Variants in APEH observed in about 807,000 individuals in gnomAD.
The protein encoded by APEH is acylamino-acid-releasing enzyme.
APEH carries 75 observed loss-of-function variants against 102.7 expected under a neutral mutation model. The ratio of observed to expected loss-of-function variants is 0.73; its 90% CI spans 0.61 to 0.89. APEH has a LOEUF of 0.89. APEH is among the 40% of genes least tolerant of loss of function. APEH has a pLI of 0.00. For missense variants in APEH, 863 were observed against 941.2 expected (o/e 0.92, Z 1.09); for synonymous variants, 344 against 362.7 (o/e 0.95, Z 0.59).
At chr3:49,680,351 C>T (rs2053261925) in intron 13 of APEH, 190 bp from the exon 14 acceptor site, 4 of 576,142 alleles carry the variant, frequency 6.9e-6, no homozygotes, top group Non-Finnish European at 1.3e-5. Context: ...CAGTGTCTGT[C>T]AGATGAACAA....
chr3:49,683,888 C>A lies in APEH; in HGVS notation c.*546C>A. 1 of 1,335,022 alleles carries A rather than the reference C, an allele frequency of 7.5e-7. No individual in the cohort carries two copies. Among genetic ancestry groups the A allele is most frequent in the East Asian group, 2.4e-5 (1 of 41,752 alleles). The allele number at this position is 1,335,022 out of a possible 1,614,324, so 82.7% of individuals were successfully genotyped here. ...CAGGGTGTGCTGGGCTCAAGCCACC[C>A]GAGCCCTAGCAAGGAGTCACTGACA... On this transcript the variant is annotated 3_prime_UTR_variant, in exon 22 of 22. Transcript: ENST00000296456.
At chr3:49,674,808 GT>G (rs1201245255) in intron 2 of APEH, among the ~76,000 whole-genome samples, 187 bp downstream of exon 2, 2 of 152,150 alleles carry the variant, frequency 1.3e-5, no homozygotes, top group Non-Finnish European at 2.9e-5. Flanking sequence ...CGTGCGGGGC[GT>G]TATCGAATGG....
rs2053399307 is a variant in APEH, at chr3:49,682,725, C to T, written c.1872C>T (p.Asp624=). The change falls in exon 19 of 22, where the codon GAC becomes GAT. Residue 624 remains aspartate, a synonymous_variant. Coordinates refer to ENST00000296456, the MANE Select transcript of APEH (RefSeq NM_001640.4). ...INIASMLGST[D]IPDWCVVEAG... is the part of the protein sequence containing the mutation. ...TCGCCTCCATGTTGGGCTCCACTGACATCCCTGACTGGTAGGCATACACCA... is the reference window on the plus strand; with the variant it reads ...TCGCCTCCATGTTGGGCTCCACTGATATCCCTGACTGGTAGGCATACACCA... The T allele has an allele frequency of 6.2e-7, 1 of 1,613,826 alleles. No individual in the cohort carries two copies. Among genetic ancestry groups the T allele is most frequent in the Admixed American group, 1.7e-5 (1 of 60,004 alleles).
At chr3:49,675,666 C>T (rs1326151857) in intron 3 of APEH, 28 bp from the exon 4 acceptor site, 2 of 1,589,664 alleles carry the variant, frequency 1.3e-6, no homozygotes, top group Non-Finnish European at 1.7e-6. Context: ...GCAAGATAAT[C>T]CTGACCTGTG....
chr3:49,674,174 A>G, upstream of APEH: 1 of 565,644 alleles, frequency 1.8e-6, no homozygotes, highest in Admixed American at 3.6e-5. Flanking sequence ...CCCTGGCGAG[A>G]CCCCTGCTCT....
At chr3:49,674,056 T>A, upstream of APEH, 1 of 409,640 alleles carries the variant, frequency 2.4e-6, no homozygotes, top group Non-Finnish European at 4.4e-6. Flanking sequence ...GGCTCCCGGG[T>A]TCCGCTTCCA....
In APEH at chr3:49,681,192, G is replaced by C. The variant is rs560378189; in HGVS notation, c.1391G>C (p.Gly464Ala). The change falls in exon 15 of 22, where the codon GGC (glycine) becomes GCC (alanine). Residue 464 changes from glycine (G) to alanine (A), a missense_variant. By Grantham distance (60) the Gly-to-Ala change is moderately conservative (BLOSUM62 0). Coordinates refer to ENST00000296456, the MANE Select transcript of APEH (RefSeq NM_001640.4). Reference protein sequence around the residue: ...EAEPIPDIHWGIRVLQPPPEQ... With the variant: ...EAEPIPDIHWAIRVLQPPPEQ... The stretch of plus-strand genomic sequence containing the variant: ...GAGCCCATTCCCGACATCCACTGGG[G>C]CATCCGGGTGCTACAGCCACCCCCA... 1.2e-6 allele frequency: 2 copies of C among 1,609,276 alleles called. No individual in the cohort carries two copies. The highest frequency in any genetic ancestry group is 1.1e-5 in the South Asian group (1 of 90,602).
chr3:49,675,776 C>T lies in APEH; in HGVS notation c.355C>T (p.Gln119Ter), dbSNP rs1382331298. 6.2e-7 allele frequency: 1 copy of T among 1,613,836 alleles called. No homozygotes were observed. Among genetic ancestry groups the T allele is most frequent in the Non-Finnish European group, 8.5e-7 (1 of 1,179,910 alleles). Residue 119 changes from glutamine (Q) to a stop codon, truncating the protein, a stop_gained, in exon 4 of 22, where the codon CAG (glutamine) becomes TAG (stop). Transcript: ENST00000296456. LOFTEE classifies it high-confidence loss of function. ...AGGTGPGEEK[Q>*]FLEVWEKNRK... ...AGGCACGGGCCCTGGGGAAGAGAAG[C>T]AGTTCCTGGAGGTGAGTCTGCATGG...
chr3:49,678,807 C>G (rs371041162), intron 11 of APEH, 45 bp from the exon 12 acceptor site: 1 of 1,504,038 alleles, frequency 6.6e-7, no homozygotes, highest in East Asian at 2.3e-5. Flanking sequence ...ACTACCCTCC[C>G]TACCTCCACT....
Position 49,683,500 on chromosome 3 carries a change from C to G in APEH, c.*158C>G, listed in dbSNP as rs1015318447. ...TATGTAGTCATAATAAATTAGGACACAGAGCCTGGTTCCTGCTGGTACTTT... is the reference window on the plus strand; with the variant it reads ...TATGTAGTCATAATAAATTAGGACAGAGAGCCTGGTTCCTGCTGGTACTTT... On this transcript the variant is annotated 3_prime_UTR_variant, in exon 22 of 22. Transcript: ENST00000296456. The G allele has an allele frequency of 6.2e-6, 4 of 650,346 alleles. No individual in the cohort carries two copies. The African/African-American group carries it at 7.3e-5, about 12-fold the overall frequency. 40.3% of individuals were successfully genotyped at this position (650,346 alleles called of 1,614,324 possible). A position where few individuals can be genotyped will look rare whatever the true frequency, so the allele number is the denominator to read the frequency against.
intron 8 of APEH, 32 bp from the exon 9 acceptor site, chr3:49,676,745 C>T (rs749826041): frequency 1.2e-6 from 2 of 1,614,124 alleles, no homozygotes; most frequent in Admixed American, 1.7e-5. Flanking sequence ...CCCAGCTGGC[C>T]TTGAGACTGA....
chr3:49,677,165 G>C, intron 10 of APEH, 141 bp downstream of exon 10: 1 of 1,277,564 alleles, frequency 7.8e-7, no homozygotes, highest in Non-Finnish European at 1.1e-6. Context: ...TGTGAGTTCT[G>C]CCTGTCCTCT....
chr3:49,674,793 G>A (rs1187433377), intron 2 of APEH, among the ~76,000 whole-genome samples, 172 bp downstream of exon 2: 1 of 152,178 alleles, frequency 6.6e-6, no homozygotes, highest in Non-Finnish European at 1.5e-5. Flanking sequence ...GAGGGGGGGA[G>A]GGGGCGTGCG....
intron 3 of APEH, 171 bp from the exon 4 acceptor site, chr3:49,675,523 C>T: frequency 1.0e-6 from 1 of 957,890 alleles, no homozygotes; most frequent in Non-Finnish European, 1.6e-6. Context: ...TGGGGAGTTG[C>T]AGAGAGTAGA....
rs189418319 is a variant in APEH, at chr3:49,679,858, C to G, written c.1210+214C>G. The G allele has an allele frequency of 1.9e-6, 1 of 534,840 alleles. No homozygotes were observed. Among genetic ancestry groups the G allele is most frequent in the Non-Finnish European group, 3.4e-6 (1 of 291,056 alleles). The allele number at this position is 534,840 out of a possible 1,614,324, so 33.1% of individuals were successfully genotyped here. On this transcript the variant is annotated intron_variant, in intron 13 of 21. Coordinates refer to ENST00000296456, the MANE Select transcript of APEH (RefSeq NM_001640.4). The surrounding 1 kb of genome is among the most constrained non-coding windows in gnomAD (Gnocchi z 4.3). ...CAGACTAGCTTCCCTGCTCTACTGC[C>G]CTTTAGCACTCAACTCTGTTCCATG...
chr3:49,679,326 G>T lies in APEH; in HGVS notation c.1159-267G>T, dbSNP rs1050581979. ...AGTGTGCCAGGCTCCTTTTGGGTGT[G>T]ATATTTGGTCCTTGTGCCAACTCAA... On this transcript the variant is annotated intron_variant, in intron 12 of 21. Transcript: ENST00000296456. The surrounding 1 kb of genome is among the most constrained non-coding windows in gnomAD (Gnocchi z 4.3). Among the ~76,000 whole-genome samples the T allele has an allele frequency of 3.3e-5, 5 of 152,192 alleles. No individual in the cohort carries two copies. In the East Asian group the frequency reaches 9.6e-4, roughly 29 times the overall value.
upstream of APEH, chr3:49,674,289 AT>A: frequency 2.2e-6 from 3 of 1,362,790 alleles, no homozygotes; most frequent in Non-Finnish European, 2.9e-6. Context: ...CCCCTCACAG[AT>A]TGCCGCAGGG....
chr3:49,675,601 G>A, intron 3 of APEH, 93 bp from the exon 4 acceptor site: 1 of 1,297,068 alleles, frequency 7.7e-7, no homozygotes, highest in Non-Finnish European at 1.1e-6. Flanking sequence ...TGGGGCCAGA[G>A]CCTCAAGAAT....
Position 49,674,425 on chromosome 3 carries a change from G to A in APEH, c.12+12G>A, listed in dbSNP as rs1018541130. 6 of 1,572,560 alleles carry A rather than the reference G, an allele frequency of 3.8e-6. No homozygotes were observed. Among genetic ancestry groups the A allele is most frequent in the Non-Finnish European group, 5.2e-6 (6 of 1,164,942 alleles). On this transcript the variant is annotated intron_variant, in intron 1 of 21. Coordinates refer to ENST00000296456, the MANE Select transcript of APEH (RefSeq NM_001640.4). The stretch of plus-strand genomic sequence containing the variant: ...CTATGGAACGTCAGGTGAGGGCTCG[G>A]CCCGCGGTCCCCGTGGTCCCTGCAG...
Sources: gnomAD v4.1 joint callset for allele counts (sites outside exome capture counted in the v4.1 genomes callset) on GRCh38, gnomAD v4.1.1 for gene constraint, Gnocchi (gnomAD v3.1) non-coding constraint, MANE v1.5 for transcripts, NCBI Gene and HGNC (gene_info 2026-07-23, HGNC 2026-07-21) for gene names.